Variants in ASAP1 observed in about 807,000 individuals in gnomAD.
ASAP1 encodes the protein arf-GAP with SH3 domain, ANK repeat and PH domain-containing protein 1.
In ASAP1, 43 loss-of-function variants were observed where a neutral mutation model predicts 145.2. The observed-to-expected ratio is 0.30, with a 90% CI of 0.23 to 0.38. ASAP1 has a LOEUF of 0.38. Among genes scored for constraint, ASAP1 ranks in the 10% least tolerant of loss-of-function variants. The pLI is 1.00. For synonymous variants in ASAP1, 546 were observed against 515.5 expected, an observed-to-expected ratio of 1.06 and a Z score of -0.80; for missense variants, 1,018 against 1,355.3, an observed-to-expected ratio of 0.75 and a Z score of 3.91.
chr8:130,420,363 A>G (rs1255630067), intron 1 of ASAP1, among the ~76,000 whole-genome samples: 1 of 152,200 alleles, frequency 6.6e-6, no homozygotes, highest in African/African-American at 2.4e-5. Context: ...TGGTTCAGCT[A>G]CTTTGGAAAA....
Position 130,152,775 on chromosome 8 carries a change from A to G in ASAP1, c.1041T>C (p.Cys347=). 6.2e-7 allele frequency: 1 copy of G among 1,611,234 alleles called. No individual in the cohort carries two copies. The highest frequency in any genetic ancestry group is 8.5e-7 in the Non-Finnish European group (1 of 1,177,910). The stretch of plus-strand genomic sequence containing the variant: ...TGGTCAGAATCCCATTCTTGACTGA[A>G]CACTTCCTCCTCTGCCATACTTTCC... ...GIRKVWQRRK[C]SVKNGILTIS... The change falls in exon 13 of 30, where the codon TGT becomes TGC. Residue 347 remains cysteine, a synonymous_variant. Transcript: ENST00000518721.
At chr8:130,403,465 A>C (rs920656445) in intron 1 of ASAP1, among the ~76,000 whole-genome samples, 3 of 152,162 alleles carry the variant, frequency 2.0e-5, no homozygotes, top group African/African-American at 7.2e-5. Flanking sequence ...CAAATCACTG[A>C]ACATGTTCTG....
chr8:130,256,047 T>G (rs1456876639), intron 3 of ASAP1, among the ~76,000 whole-genome samples: 2 of 151,770 alleles, frequency 1.3e-5, no homozygotes, highest in Admixed American at 1.3e-4. Flanking sequence ...AGGAAGAGAG[T>G]GAGAGAATGT....
chr8:130,306,923 C>A (rs367609896), intron 3 of ASAP1, among the ~76,000 whole-genome samples: 1 of 152,232 alleles, frequency 6.6e-6, no homozygotes, highest in South Asian at 2.1e-4. Flanking sequence ...CCACCCAGGT[C>A]TGAGTGTCTG....
intron 2 of ASAP1, among the ~76,000 whole-genome samples, chr8:130,385,349 T>G (rs557939727): frequency 7.2e-5 from 11 of 152,276 alleles, no homozygotes; most frequent in African/African-American, 2.6e-4. Flanking sequence ...AACAGAGACT[T>G]GAGTGTGTCT....
chr8:130,382,341 T>C (rs1231874139), intron 2 of ASAP1, among the ~76,000 whole-genome samples: 1 of 151,544 alleles, frequency 6.6e-6, no homozygotes, highest in African/African-American at 2.4e-5. Context: ...TTCATTAATA[T>C]TATTTATTGA....
At chr8:130,067,676 C>T (rs569570849) in intron 27 of ASAP1, among the ~76,000 whole-genome samples, 17 of 152,320 alleles carry the variant, frequency 1.1e-4, no homozygotes, top group Non-Finnish European at 2.1e-4. Flanking sequence ...GCTTGGATTA[C>T]AGGTGTGAGC....
intron 1 of ASAP1, among the ~76,000 whole-genome samples, chr8:130,407,601 G>A (rs1829090637): frequency 6.6e-6 from 1 of 152,310 alleles, no homozygotes; most frequent in Non-Finnish European, 1.5e-5. Context: ...TAAAGCACCT[G>A]CCTGCTAAAG....
At chr8:130,189,262 TTCTA>T (rs1273763480) in intron 5 of ASAP1, among the ~76,000 whole-genome samples, 3 of 152,202 alleles carry the variant, frequency 2.0e-5, no homozygotes, top group African/African-American at 7.2e-5. Context: ...ACTGTGTTAC[TTCTA>T]TCTAACTGTA....
At chr8:130,296,106 ACT>A (rs1822256897) in intron 3 of ASAP1, among the ~76,000 whole-genome samples, 1 of 152,040 alleles carries the variant, frequency 6.6e-6, no homozygotes, top group East Asian at 1.9e-4. Context: ...GTGACCTTTA[ACT>A]CTCTCTGCAC....
intron 18 of ASAP1, among the ~76,000 whole-genome samples, chr8:130,121,735 G>C (rs1308392153): frequency 2.5e-5 from 3 of 118,330 alleles, no homozygotes; most frequent in African/African-American, 9.6e-5. Flanking sequence ...AGTGAGCAAA[G>C]ATCGCATCAC....
intron 3 of ASAP1, among the ~76,000 whole-genome samples, chr8:130,319,700 C>T (rs1482678970): frequency 1.3e-5 from 2 of 152,140 alleles, no homozygotes; most frequent in Non-Finnish European, 2.9e-5. Context: ...AACAGAGCAA[C>T]GCACGTATTA....
intron 7 of ASAP1, among the ~76,000 whole-genome samples, chr8:130,185,032 G>A (rs1399408187): frequency 6.6e-6 from 1 of 152,154 alleles, no homozygotes; most frequent in Admixed American, 6.5e-5. Context: ...AAAATGTCCA[G>A]CCTTCTCCAT....
chr8:130,116,958 C>A lies in ASAP1; in HGVS notation c.1918G>T (p.Val640Phe). ...CTGTACATACTACAGTAGTGTAGAA[C>A]TGTGTTTCCCAGGGCCGTCTGCTTA... ...LDKQTALGNT[V>F]LHYCSMYSKP... The change falls in exon 21 of 30, where the codon GTT (valine) becomes TTT (phenylalanine). Residue 640 changes from valine (V) to phenylalanine (F), a missense_variant. Val to Phe is a conservative substitution (Grantham distance 50). Transcript: ENST00000518721. The A allele has an allele frequency of 6.2e-7, 1 of 1,612,748 alleles. No homozygotes were observed. Among genetic ancestry groups the A allele is most frequent in the Non-Finnish European group, 8.5e-7 (1 of 1,179,672 alleles).
At chr8:130,175,014 A>T (rs927778812) in intron 9 of ASAP1, among the ~76,000 whole-genome samples, 4 of 152,196 alleles carry the variant, frequency 2.6e-5, no homozygotes, top group Non-Finnish European at 4.4e-5. Flanking sequence ...GAAATTCCCA[A>T]ACTGTTTTCC....
intron 3 of ASAP1, among the ~76,000 whole-genome samples, chr8:130,262,448 G>A (rs1819988682): frequency 8.6e-6 from 1 of 116,366 alleles, no homozygotes; most frequent in African/African-American, 3.1e-5. Context: ...GAGAGAGAGA[G>A]AGAGAGAGAA....
intron 25 of ASAP1, among the ~76,000 whole-genome samples, chr8:130,086,026 G>A (rs1202887944): frequency 6.6e-6 from 1 of 152,228 alleles, no homozygotes; most frequent in Non-Finnish European, 1.5e-5. Context: ...GTGCCATGCT[G>A]CAGATGGATA....
intron 3 of ASAP1, among the ~76,000 whole-genome samples, chr8:130,349,636 C>T (rs1281508346): frequency 2.6e-5 from 4 of 152,194 alleles, no homozygotes; most frequent in Non-Finnish European, 5.9e-5. Context: ...AGTGTTGCCA[C>T]TGGTCCTCAG....
chr8:130,357,805 G>A (rs960836000), intron 3 of ASAP1, among the ~76,000 whole-genome samples: 1 of 152,192 alleles, frequency 6.6e-6, no homozygotes, highest in African/African-American at 2.4e-5. Flanking sequence ...CCCACCTCCA[G>A]TCCCCAGGCC....
Sources: allele counts gnomAD v4.1 joint callset (sites outside exome capture counted in the v4.1 genomes callset), GRCh38; gene constraint gnomAD v4.1.1; transcripts MANE v1.5; gene names NCBI Gene and HGNC (gene_info 2026-07-23, HGNC 2026-07-21).